The following MIPOL1 variants were observed in gnomAD, a reference collection of about 807,000 sequenced individuals.
The protein encoded by MIPOL1 is mirror-image polydactyly gene 1 protein.
A neutral mutation model predicts 60.9 loss-of-function variants in MIPOL1; 57 were observed. That is an observed-to-expected ratio of 0.94 (90% CI 0.76 to 1.17). The LOEUF (loss-of-function observed/expected upper bound fraction) is 1.17, where lower values mean the gene tolerates loss of function less well. Among genes scored for constraint, MIPOL1 ranks in the 50% most tolerant of loss-of-function variants. The pLI is 0.00. For missense variants in MIPOL1, 551 were observed against 511.6 expected, an observed-to-expected ratio of 1.08 and a Z score of -0.74; for synonymous variants, 179 against 168.8, an observed-to-expected ratio of 1.06 and a Z score of -0.47.
chr14:37,290,608 C>A (rs17106568), intron 7 of MIPOL1, among the ~76,000 whole-genome samples: 11,126 of 152,070 alleles, frequency 0.073, 1,379 homozygotes, highest in African/African-American at 0.25. Context: ...TGAATCAGGG[C>A]AATTGTTCAT....
chr14:37,551,877 AAATAATAATAATAATAATAAT>A (rs58440952), downstream of MIPOL1: 25 of 140,734 alleles, frequency 1.8e-4, 1 homozygote, highest in Admixed American at 1.4e-3. Flanking sequence ...AGACTGTCTC[AAATAATAATAATAATAATAAT>A]AATAATAATA....
chr14:37,539,510 A>G (rs1246374404), intron 12 of MIPOL1, among the ~76,000 whole-genome samples: 1 of 152,270 alleles, frequency 6.6e-6, no homozygotes, highest in East Asian at 1.9e-4. Flanking sequence ...GTAATGAACC[A>G]TACTGGATTG....
chr14:37,229,014 A>G (rs1970212779), intron 1 of MIPOL1, among the ~76,000 whole-genome samples: 1 of 150,574 alleles, frequency 6.6e-6, no homozygotes, highest in African/African-American at 2.4e-5. Context: ...AGTTTCTAAA[A>G]TAAGTCAACA....
chr14:37,251,516 C>T lies in MIPOL1; in HGVS notation c.19+3609C>T, dbSNP rs1388697874. ...CTTTTAAGGGGTAAGTGATGTTTTG[C>T]GTTTTTGTGAAAACTTCTATTTAAG... On this transcript the variant is annotated intron_variant, in intron 3 of 12. Transcript: ENST00000684589. 4.0e-5 allele frequency among the ~76,000 whole-genome samples: 6 copies of T among 149,360 alleles called. No homozygotes were observed. In the South Asian group the frequency reaches 1.3e-3, roughly 32 times the overall value.
chr14:37,470,121 AT>A (rs747941558), intron 11 of MIPOL1, among the ~76,000 whole-genome samples: 8 of 152,184 alleles, frequency 5.3e-5, no homozygotes, highest in African/African-American at 1.7e-4. Flanking sequence ...GAAAGAGCCA[AT>A]TTGCAGAGGG....
At chr14:37,238,718 A>C (rs1377283480) in intron 1 of MIPOL1, among the ~76,000 whole-genome samples, 10 of 150,552 alleles carry the variant, frequency 6.6e-5, no homozygotes. Context: ...CGGAAGGTGG[A>C]CTCTGGTGAT....
Position 37,409,093 on chromosome 14 carries a change from C to G in MIPOL1, c.937-13762C>G, listed in dbSNP as rs555251915. 9.7e-4 allele frequency among the ~76,000 whole-genome samples: 147 copies of G among 152,290 alleles called. 1 individual carries two copies. Among genetic ancestry groups the G allele is most frequent in the African/African-American group, 3.2e-3 (134 of 41,560 alleles). On this transcript the variant is annotated intron_variant, in intron 10 of 12. Transcript: ENST00000684589. The stretch of plus-strand genomic sequence containing the variant: ...CTGCATTATTTCAGGCCTCTCTTGG[C>G]TCCCTCATGGAACAGACACAAGTAC...
chr14:37,202,732 C>T (rs977712710), intron 1 of MIPOL1, among the ~76,000 whole-genome samples: 6 of 152,126 alleles, frequency 3.9e-5, no homozygotes, highest in African/African-American at 1.4e-4. Context: ...AGCTTCTGAC[C>T]GTACCTTCTC....
intron 1 of MIPOL1, among the ~76,000 whole-genome samples, chr14:37,208,566 C>T (rs1307131848): frequency 1.3e-5 from 2 of 151,978 alleles, no homozygotes; most frequent in African/African-American, 4.8e-5. Flanking sequence ...AAAAAGTGAG[C>T]ACCCATGTAG....
intron 1 of MIPOL1, among the ~76,000 whole-genome samples, chr14:37,219,147 A>G (rs1968309680): frequency 6.6e-6 from 1 of 152,120 alleles, no homozygotes; most frequent in South Asian, 2.1e-4. Context: ...CATCAGGGTT[A>G]GAGAAGATTG....
At chr14:37,218,745 T>C (rs1001863266) in intron 1 of MIPOL1, among the ~76,000 whole-genome samples, 37 of 151,950 alleles carry the variant, frequency 2.4e-4, no homozygotes, top group Non-Finnish European at 1.5e-4. Context: ...AAGACCAGCA[T>C]AGGCAACATG....
intron 1 of MIPOL1, among the ~76,000 whole-genome samples, chr14:37,234,721 A>G (rs1971165956): frequency 6.7e-6 from 1 of 150,244 alleles, no homozygotes; most frequent in African/African-American, 2.4e-5. Flanking sequence ...TCTAGTTACT[A>G]CTCATTTATT....
chr14:37,375,857 T>C (rs2092762305), intron 10 of MIPOL1, among the ~76,000 whole-genome samples: 1 of 151,996 alleles, frequency 6.6e-6, no homozygotes, highest in East Asian at 1.9e-4. Flanking sequence ...AAGTAGGCAG[T>C]TACTCCTGTG....
At chr14:37,389,138 T>C (rs985615529) in intron 10 of MIPOL1, among the ~76,000 whole-genome samples, 5 of 152,002 alleles carry the variant, frequency 3.3e-5, no homozygotes, top group African/African-American at 1.2e-4. Context: ...GGTCTGCTTC[T>C]AAGGATATGT....
chr14:37,288,833 G>T (rs1216302951), intron 7 of MIPOL1, among the ~76,000 whole-genome samples: 1 of 151,884 alleles, frequency 6.6e-6, no homozygotes, highest in African/African-American at 2.4e-5. Context: ...ATAGCTCAGA[G>T]GGTGGCAAGT....
chr14:37,218,578 T>C (rs1187056520), intron 1 of MIPOL1, among the ~76,000 whole-genome samples: 2 of 152,134 alleles, frequency 1.3e-5, no homozygotes, highest in Admixed American at 1.3e-4. Flanking sequence ...TTGAAAATAT[T>C]GTGTATTCTG....
At chr14:37,270,396 A>G (rs775821731) in intron 5 of MIPOL1, 24 bp from the exon 6 acceptor site, 3 of 1,291,668 alleles carry the variant, frequency 2.3e-6, no homozygotes, top group Non-Finnish European at 3.2e-6. Flanking sequence ...ATAAGAATCC[A>G]TGATTTTTTT....
chr14:37,291,773 A>G (rs934045779), intron 7 of MIPOL1, among the ~76,000 whole-genome samples: 1 of 152,152 alleles, frequency 6.6e-6, no homozygotes, highest in Admixed American at 6.5e-5. Flanking sequence ...GTGGAAAGCA[A>G]AAGGGCAAAA....
intron 10 of MIPOL1, among the ~76,000 whole-genome samples, chr14:37,399,304 T>G (rs1450583340): frequency 6.6e-6 from 1 of 152,190 alleles, no homozygotes; most frequent in Non-Finnish European, 1.5e-5. Flanking sequence ...TCTGACTGAT[T>G]AAAAATACTT....
Sources: gnomAD v4.1 joint callset for allele counts (sites outside exome capture counted in the v4.1 genomes callset) on GRCh38, gnomAD v4.1.1 for gene constraint, MANE v1.5 for transcripts, NCBI Gene and HGNC (gene_info 2026-07-23, HGNC 2026-07-21) for gene names.